The following LYPLAL1 variants were observed in gnomAD, a reference collection of about 807,000 sequenced individuals.
The protein encoded by LYPLAL1 is lysophospholipase like 1.
Under a neutral mutation model 19.7 loss-of-function variants are expected in LYPLAL1, and 23 were observed. That is an observed-to-expected ratio of 1.17 (90% confidence interval 0.84 to 1.65). The LOEUF (loss-of-function observed/expected upper bound fraction) is 1.65. Ranked by LOEUF, LYPLAL1 falls within the 40% of genes most tolerant of loss-of-function variation. The pLI is 0.00. For missense variants in LYPLAL1, 355 were observed against 279.4 expected, an observed-to-expected ratio of 1.27 and a Z score of -1.93; for synonymous variants, 119 against 96.3, an observed-to-expected ratio of 1.24 and a Z score of -1.38.
chr1:219,423,341 A>G, the LYPLAL1 span, among the ~76,000 whole-genome samples: 4 of 152,156 alleles, frequency 2.6e-5, no homozygotes, highest in African/African-American at 9.6e-5. Flanking sequence ...TGTTAGTGAC[A>G]TTCAACTCTG....
the LYPLAL1 span, among the ~76,000 whole-genome samples, chr1:219,340,838 C>T: frequency 6.6e-6 from 1 of 152,142 alleles, no homozygotes; most frequent in African/African-American, 2.4e-5. Flanking sequence ...GAACTGAGGG[C>T]TTTCTGCCTT....
chr1:219,419,594 C>CACACACACACACACACACACACAG, the LYPLAL1 span, among the ~76,000 whole-genome samples: 3 of 99,528 alleles, frequency 3.0e-5, no homozygotes, highest in Admixed American at 1.1e-4. Context: ...CACACACACA[C>CACACACACACACACACACACACAG]AGAGAGAGAG....
chr1:219,190,596 T>C (rs1214398029), intron 2 of LYPLAL1, among the ~76,000 whole-genome samples: 1 of 97,666 alleles, frequency 1.0e-5, no homozygotes, highest in Admixed American at 1.1e-4. Context: ...AAAGACATTA[T>C]ATCAAATGTA....
the LYPLAL1 span, among the ~76,000 whole-genome samples, chr1:219,323,394 A>G: frequency 2.0e-5 from 3 of 152,190 alleles, no homozygotes; most frequent in East Asian, 5.8e-4. Flanking sequence ...GGCCTTCATT[A>G]GGTGAGTTTG....
At chr1:219,434,481 A>G in the LYPLAL1 span, among the ~76,000 whole-genome samples, 1 of 152,232 alleles carries the variant, frequency 6.6e-6, no homozygotes, top group Non-Finnish European at 1.5e-5. Context: ...GGAATGAGCA[A>G]GGAAGCAAAG....
chr1:219,301,256 A>G, the LYPLAL1 span, among the ~76,000 whole-genome samples: 29 of 152,356 alleles, frequency 1.9e-4, no homozygotes, highest in Admixed American at 1.4e-3. Flanking sequence ...AAAATAAATA[A>G]ACACATACTT....
chr1:219,193,148 C>G lies in LYPLAL1; in HGVS notation c.258C>G (p.Asp86Glu), dbSNP rs144781750. Reference protein sequence around the residue: ...VWFDRFKITNDCPEHLESIDV... With the variant: ...VWFDRFKITNECPEHLESIDV... ...TTGACAGATTTAAAATAACCAATGA[C>G]TGCCCAGAACACCTTGAATCAATTG... The change falls in exon 3 of 5, where the codon GAC becomes GAG. Residue 86 changes from aspartate to glutamate, a missense_variant. Physicochemically the swap from Asp to Glu is conservative, Grantham distance 45. Transcript: ENST00000366928. The G allele has an allele frequency of 6.2e-7, 1 of 1,606,028 alleles. No homozygotes were observed. Among genetic ancestry groups the G allele is most frequent in the African/African-American group, 1.3e-5 (1 of 74,424 alleles).
the LYPLAL1 span, among the ~76,000 whole-genome samples, chr1:219,411,412 A>G: frequency 6.6e-6 from 1 of 152,136 alleles, no homozygotes; most frequent in African/African-American, 2.4e-5. Context: ...GGGGCCTTGG[A>G]GAACCTGTGT....
the LYPLAL1 span, among the ~76,000 whole-genome samples, chr1:219,296,485 A>G: frequency 6.6e-6 from 1 of 152,170 alleles, no homozygotes; most frequent in Non-Finnish European, 1.5e-5. Flanking sequence ...AAGGGTACTC[A>G]GGGTCTTTGA....
the LYPLAL1 span, among the ~76,000 whole-genome samples, chr1:219,327,863 A>T: frequency 6.6e-6 from 1 of 152,096 alleles, no homozygotes; most frequent in African/African-American, 2.4e-5. Context: ...ATCTTCCACC[A>T]TGATTTTGAG....
At chr1:219,418,946 T>C in the LYPLAL1 span, among the ~76,000 whole-genome samples, 3 of 152,214 alleles carry the variant, frequency 2.0e-5, no homozygotes, top group Non-Finnish European at 4.4e-5. Context: ...GTAATATGCA[T>C]TTATGTTTTC....
At chr1:219,276,966 T>A in the LYPLAL1 span, among the ~76,000 whole-genome samples, 1 of 152,164 alleles carries the variant, frequency 6.6e-6, no homozygotes, top group South Asian at 2.1e-4. Context: ...CTTGTGAAAT[T>A]ACCCCAATGA....
the LYPLAL1 span, among the ~76,000 whole-genome samples, chr1:219,365,558 C>T: frequency 6.6e-6 from 1 of 152,142 alleles, no homozygotes; most frequent in African/African-American, 2.4e-5. Context: ...ATTTGACTGT[C>T]AATGTCAATT....
chr1:219,292,855 G>C, the LYPLAL1 span, among the ~76,000 whole-genome samples: 1 of 152,154 alleles, frequency 6.6e-6, no homozygotes, highest in African/African-American at 2.4e-5. Flanking sequence ...GAACTAGCCT[G>C]GCAGATGGGG....
the LYPLAL1 span, among the ~76,000 whole-genome samples, chr1:219,384,755 G>A: frequency 6.6e-6 from 1 of 152,150 alleles, no homozygotes; most frequent in African/African-American, 2.4e-5. Context: ...CATAAAATAT[G>A]TATGGAAATG....
At chr1:219,331,424 G>A in the LYPLAL1 span, among the ~76,000 whole-genome samples, 1 of 152,132 alleles carries the variant, frequency 6.6e-6, no homozygotes, top group African/African-American at 2.4e-5. Flanking sequence ...ACTAAGCAAT[G>A]CTCCGTTTTT....
the LYPLAL1 span, among the ~76,000 whole-genome samples, chr1:219,298,750 G>A: frequency 6.6e-6 from 1 of 152,232 alleles, no homozygotes; most frequent in African/African-American, 2.4e-5. Flanking sequence ...AGGCAGTGAA[G>A]ACATCCTTGA....
rs536911090 is a variant in LYPLAL1, at chr1:219,177,291, A to T, written c.92-1856A>T. Among the ~76,000 whole-genome samples, 4 of 152,244 alleles carry T rather than the reference A, an allele frequency of 2.6e-5. No individual in the cohort carries two copies. In the South Asian group the frequency reaches 8.3e-4, roughly 32 times the overall value. The stretch of plus-strand genomic sequence containing the variant: ...AGGGGTTGGCAAACTTTCTGCAAAA[A>T]GTCAGGTAAGCATTTTAGCTTTTGT... On this transcript the variant is annotated intron_variant, in intron 1 of 4. Transcript: ENST00000366928.
At chr1:219,281,603 A>G in the LYPLAL1 span, among the ~76,000 whole-genome samples, 8 of 149,286 alleles carry the variant, frequency 5.4e-5, no homozygotes, top group African/African-American at 2.0e-4. Context: ...ACCCTCCCCA[A>G]CACACACACA....
Sources: gnomAD v4.1 joint callset for allele counts (sites outside exome capture counted in the v4.1 genomes callset) on GRCh38, gnomAD v4.1.1 for gene constraint, MANE v1.5 for transcripts, NCBI Gene and HGNC (gene_info 2026-07-23, HGNC 2026-07-21) for gene names.